The following LRRIQ3 variants were observed in gnomAD, a reference collection of about 807,000 sequenced individuals.
LRRIQ3 encodes leucine rich repeats and IQ motif containing 3, also known as leucine-rich repeat and IQ domain-containing protein 3.
LRRIQ3 carries 75 observed loss-of-function variants against 59.3 expected under a neutral mutation model. The ratio of observed to expected loss-of-function variants is 1.26; its 90% CI spans 1.05 to 1.53. LRRIQ3 has a LOEUF of 1.53. LRRIQ3 is among the 40% of genes most tolerant of loss of function. The pLI, the probability that LRRIQ3 is intolerant of heterozygous loss-of-function variation, is 0.00. For missense variants in LRRIQ3, 831 were observed against 710.0 expected, an observed-to-expected ratio of 1.17 and a Z score of -1.94; for synonymous variants, 250 against 231.3, an observed-to-expected ratio of 1.08 and a Z score of -0.73.
At chr1:74,196,184 T>C (rs1425849999) in intron 1 of LRRIQ3, among the ~76,000 whole-genome samples, 2 of 152,122 alleles carry the variant, frequency 1.3e-5, no homozygotes, top group African/African-American at 2.4e-5. Flanking sequence ...AATACTCTAA[T>C]ATTCTGTATG....
chr1:74,086,033 C>T (rs1242061978), intron 5 of LRRIQ3, among the ~76,000 whole-genome samples: 1 of 152,000 alleles, frequency 6.6e-6, no homozygotes, highest in Non-Finnish European at 1.5e-5. Flanking sequence ...AACAGAGACC[C>T]CACTCTCTTT....
At chr1:74,171,201 G>A (rs1223467701) in intron 3 of LRRIQ3, among the ~76,000 whole-genome samples, 1 of 151,906 alleles carries the variant, frequency 6.6e-6, no homozygotes, top group African/African-American at 2.4e-5. Flanking sequence ...TTGAATAGAG[G>A]CATCTTTACC....
At chr1:74,190,366 A>T (rs1448187816) in intron 1 of LRRIQ3, among the ~76,000 whole-genome samples, 1 of 152,126 alleles carries the variant, frequency 6.6e-6, no homozygotes, top group African/African-American at 2.4e-5. Context: ...TTATAACAGA[A>T]ATGAAGAATA....
intron 5 of LRRIQ3, among the ~76,000 whole-genome samples, chr1:74,093,173 T>C (rs1335507003): frequency 6.6e-6 from 1 of 152,036 alleles, no homozygotes; most frequent in Non-Finnish European, 1.5e-5. Context: ...CTTCAATCTC[T>C]ATAGCAACCC....
intron 6 of LRRIQ3, among the ~76,000 whole-genome samples, chr1:74,061,198 T>G (rs1413739000): frequency 3.3e-5 from 5 of 151,978 alleles, no homozygotes; most frequent in Non-Finnish European, 5.9e-5. Context: ...ACAAAAAGAA[T>G]GAAATACCTA....
intron 6 of LRRIQ3, among the ~76,000 whole-genome samples, chr1:74,063,013 TTAAA>T (rs1397354772): frequency 2.0e-5 from 3 of 151,422 alleles, no homozygotes; most frequent in African/African-American, 7.3e-5. Flanking sequence ...GTAAAAACAA[TTAAA>T]TAAAATAGAT....
chr1:74,060,118 C>A (rs896511675), intron 6 of LRRIQ3, among the ~76,000 whole-genome samples: 9 of 151,708 alleles, frequency 5.9e-5, no homozygotes, highest in Non-Finnish European at 1.0e-4. Flanking sequence ...GTGGTAATGT[C>A]CCCTGTTTCA....
chr1:74,053,215 C>T (rs1379756708), intron 6 of LRRIQ3, among the ~76,000 whole-genome samples: 1 of 142,762 alleles, frequency 7.0e-6, no homozygotes, highest in Non-Finnish European at 1.5e-5. Flanking sequence ...TAGACATAGA[C>T]CTTACACCCA....
chr1:74,160,281 G>A (rs957928070), intron 3 of LRRIQ3, among the ~76,000 whole-genome samples: 1 of 152,008 alleles, frequency 6.6e-6, no homozygotes, highest in Non-Finnish European at 1.5e-5. Flanking sequence ...CAATACCTCT[G>A]TGCCTTTGCA....
intron 7 of LRRIQ3, among the ~76,000 whole-genome samples, chr1:74,037,306 A>C (rs1653900223): frequency 6.6e-6 from 1 of 152,178 alleles, no homozygotes; most frequent in Non-Finnish European, 1.5e-5. Flanking sequence ...CTGCCTCCAA[A>C]TCCTGCACTG....
rs535311867 is a variant in LRRIQ3 at position 74,176,895 on chromosome 1, C to T, written c.573+5643G>A. 3.3e-5 allele frequency among the ~76,000 whole-genome samples: 5 copies of T among 152,248 alleles called. No homozygotes were observed. In the East Asian group the frequency reaches 9.7e-4, roughly 30 times the overall value. On this transcript the variant is annotated intron_variant, in intron 3 of 7. Coordinates refer to ENST00000354431, the MANE Select transcript of LRRIQ3 (RefSeq NM_001105659.2). ...CTTGGCCTCCTTTGACATCACCCTA[C>T]AGGGTGTTGGGTTGCTTCACTTGAG... is the stretch of plus-strand genomic sequence containing the variant.
At chr1:74,030,475 A>G (rs1653669426) in intron 7 of LRRIQ3, among the ~76,000 whole-genome samples, 1 of 152,162 alleles carries the variant, frequency 6.6e-6, no homozygotes, top group South Asian at 2.1e-4. Flanking sequence ...CAACTATCTG[A>G]TCCTTGACAA....
chr1:74,035,131 A>C (rs1223765597), intron 7 of LRRIQ3, among the ~76,000 whole-genome samples: 1 of 152,108 alleles, frequency 6.6e-6, no homozygotes, highest in Non-Finnish European at 1.5e-5. Flanking sequence ...AACTGTGAGC[A>C]ATACAAATGA....
At chr1:74,180,609 C>G in intron 3 of LRRIQ3, 4 of 1,029,594 alleles carry the variant, frequency 3.9e-6, no homozygotes, top group Non-Finnish European at 5.6e-6. Context: ...CACACTTATT[C>G]TTCTCCTCTT....
intron 3 of LRRIQ3, among the ~76,000 whole-genome samples, chr1:74,157,096 T>G (rs2100671150): frequency 6.6e-6 from 1 of 152,250 alleles, no homozygotes; most frequent in Non-Finnish European, 1.5e-5. Context: ...AATTATAAAC[T>G]TATTTCCTTG....
chr1:74,149,529 G>C (rs1647791575), intron 4 of LRRIQ3, among the ~76,000 whole-genome samples: 1 of 151,924 alleles, frequency 6.6e-6, no homozygotes, highest in Non-Finnish European at 1.5e-5. Context: ...CTTTACGTTG[G>C]TAATTACTCT....
At chr1:74,147,921 G>A (rs553952282) in intron 4 of LRRIQ3, among the ~76,000 whole-genome samples, 1 of 152,176 alleles carries the variant, frequency 6.6e-6, no homozygotes, top group South Asian at 2.1e-4. Context: ...TTCAAAATGT[G>A]AGAATTTGGT....
chr1:74,081,810 C>A (rs1235263921), intron 5 of LRRIQ3: 1 of 151,336 alleles, frequency 6.6e-6, no homozygotes, highest in Admixed American at 6.6e-5. Context: ...CTAAAGATCT[C>A]ATTTTAAACA....
At chr1:74,063,151 C>CAACAAA (rs1654775973) in intron 6 of LRRIQ3, among the ~76,000 whole-genome samples, 2 of 150,832 alleles carry the variant, frequency 1.3e-5, no homozygotes, top group South Asian at 4.2e-4. Context: ...ACAACAACAA[C>CAACAAA]AAAACGAGGA....
Sources: gnomAD v4.1 joint callset for allele counts (sites outside exome capture counted in the v4.1 genomes callset) on GRCh38, gnomAD v4.1.1 for gene constraint, MANE v1.5 for transcripts, NCBI Gene and HGNC (gene_info 2026-07-23, HGNC 2026-07-21) for gene names.